The following HIP1 variants were observed in gnomAD, a reference collection of about 807,000 sequenced individuals.
HIP1 encodes huntingtin interacting protein 1, also known as huntingtin-interacting protein 1.
In HIP1, 65 loss-of-function variants were observed where a neutral mutation model predicts 147.6. The ratio of observed to expected loss-of-function variants is 0.44; its 90% CI spans 0.36 to 0.54. The LOEUF (loss-of-function observed/expected upper bound fraction) is 0.54. Among genes scored for constraint, HIP1 ranks in the 20% least tolerant of loss-of-function variants. HIP1 has a pLI of 0.00. For synonymous variants in HIP1, 479 were observed against 504.0 expected (o/e 0.95, Z 0.67); for missense variants, 1,061 against 1,299.6 (o/e 0.82, Z 2.82).
intron 1 of HIP1, among the ~76,000 whole-genome samples, chr7:75,736,543 C>A (rs944616251): frequency 6.6e-6 from 1 of 151,956 alleles, no homozygotes; most frequent in African/African-American, 2.4e-5. Context: ...ACAGTGAGAC[C>A]CCCATCTCTA....
intron 1 of HIP1, among the ~76,000 whole-genome samples, chr7:75,716,940 C>T (rs1231391604): frequency 4.6e-5 from 7 of 152,046 alleles, no homozygotes; most frequent in African/African-American, 1.7e-4. Context: ...CTCAACCTCC[C>T]AAGTAGCTGG....
At chr7:75,719,999 C>T (rs1554521048) in intron 1 of HIP1, among the ~76,000 whole-genome samples, 2 of 152,080 alleles carry the variant, frequency 1.3e-5, no homozygotes, top group Admixed American at 6.6e-5. Flanking sequence ...AAATCAGAGA[C>T]CACACATTAG....
chr7:75,725,018 G>A (rs548987204), intron 1 of HIP1, among the ~76,000 whole-genome samples: 1 of 152,158 alleles, frequency 6.6e-6, no homozygotes, highest in African/African-American at 2.4e-5. Flanking sequence ...TCTGTGGGGG[G>A]AGTTCTGTTG....
intron 9 of HIP1, 75 bp from the exon 10 acceptor site, chr7:75,563,338 G>A: frequency 2.2e-6 from 3 of 1,375,406 alleles, no homozygotes; most frequent in Non-Finnish European, 1.0e-6. Context: ...CAGCCACCTG[G>A]CTTTCCTGCC....
rs782349581 is a variant in HIP1 at position 75,546,961 on chromosome 7, C to T, written c.2537G>A (p.Arg846Lys). The T allele has an allele frequency of 2.5e-6, 4 of 1,577,432 alleles. No individual in the cohort carries two copies. The African/African-American group carries it at 4.0e-5, about 16-fold the overall frequency. Reference protein sequence around the residue: ...VLIVASKDLQREIVESGRGTA... With the variant: ...VLIVASKDLQKEIVESGRGTA... ...CACCCTGCCGCTCTCCACAATCTCT[C>T]TCTGGAGGTCCTTAGAGGCCACGAT... The change falls in exon 25 of 31, where the codon AGA becomes AAA. Residue 846 changes from arginine (R) to lysine (K), a missense_variant. Arg to Lys is a conservative substitution (Grantham distance 26). Transcript: ENST00000336926.
At chr7:75,563,775 C>G (rs116031796) in intron 9 of HIP1, among the ~76,000 whole-genome samples, 1 of 152,204 alleles carries the variant, frequency 6.6e-6, no homozygotes, top group African/African-American at 2.4e-5. Flanking sequence ...TGAGCTGTTT[C>G]CCATAATGCC....
At chr7:75,559,687 C>A (rs34985543) in intron 14 of HIP1, 45 bp downstream of exon 14, 2 of 1,228,982 alleles carry the variant, frequency 1.6e-6, no homozygotes, top group East Asian at 2.4e-5. Flanking sequence ...CTCTGCTGCC[C>A]GCGCCTGCCC....
intron 1 of HIP1, among the ~76,000 whole-genome samples, chr7:75,643,105 C>G (rs1393545226): frequency 2.6e-5 from 4 of 152,162 alleles, no homozygotes; most frequent in Non-Finnish European, 4.4e-5. Context: ...CAGCCTAGCC[C>G]TAAAGACCAC....
intron 17 of HIP1, 73 bp from the exon 18 acceptor site, chr7:75,556,242 C>T (rs938875364): frequency 3.9e-6 from 6 of 1,546,334 alleles, no homozygotes; most frequent in Non-Finnish European, 5.3e-6. Flanking sequence ...AGAGGTCCAA[C>T]CCACCACCGG....
At chr7:75,606,484 C>T (rs991413170) in intron 1 of HIP1, among the ~76,000 whole-genome samples, 39 of 151,778 alleles carry the variant, frequency 2.6e-4, no homozygotes, top group African/African-American at 8.2e-4. Flanking sequence ...GAGGCTGAGG[C>T]AGAATTGCTT....
intron 1 of HIP1, among the ~76,000 whole-genome samples, chr7:75,723,683 A>C (rs1584980686): frequency 6.6e-6 from 1 of 152,152 alleles, no homozygotes; most frequent in African/African-American, 2.4e-5. Flanking sequence ...TCATGCTGGG[A>C]AACTCCCTTG....
chr7:75,714,108 T>C (rs1554520355), intron 1 of HIP1, among the ~76,000 whole-genome samples: 1 of 150,654 alleles, frequency 6.6e-6, no homozygotes, highest in Admixed American at 6.6e-5. Flanking sequence ...GGCGCCATCT[T>C]GGCTCACTGC....
intron 1 of HIP1, among the ~76,000 whole-genome samples, chr7:75,696,990 AT>A (rs377026510): frequency 0.014 from 1,991 of 143,314 alleles, 40 homozygotes; most frequent in African/African-American, 0.045. Context: ...CTTCCCAAGG[AT>A]TTTTTTTTTT....
chr7:75,648,225 C>T (rs1554511378), intron 1 of HIP1, among the ~76,000 whole-genome samples: 1 of 151,636 alleles, frequency 6.6e-6, no homozygotes, highest in African/African-American at 2.4e-5. Flanking sequence ...GTTGAAGTAG[C>T]TGGGACTAGT....
chr7:75,697,889 T>C (rs988355267), intron 1 of HIP1, among the ~76,000 whole-genome samples: 2 of 152,224 alleles, frequency 1.3e-5, no homozygotes, highest in Non-Finnish European at 2.9e-5. Context: ...TAAGTTATTC[T>C]AGGAAGAGCT....
chr7:75,556,903 A>C lies in HIP1; in HGVS notation c.1582-92T>G, dbSNP rs188258852. 30 of 800,204 alleles carry C rather than the reference A, an allele frequency of 3.7e-5. No individual in the cohort carries two copies. In the African/African-American group the frequency reaches 4.4e-4, roughly 12 times the overall value. 49.6% of individuals were successfully genotyped at this position (800,204 alleles called of 1,614,324 possible). The stretch of plus-strand genomic sequence containing the variant: ...AAACGTCCCAAGCGATCAACAAGAG[A>C]TCTGTAAACTCTACTGTATGTAAGT... On this transcript the variant is annotated intron_variant, in intron 16 of 30. Coordinates refer to ENST00000336926, the MANE Select transcript of HIP1 (RefSeq NM_005338.7).
chr7:75,580,136 T>A (rs1214211544), intron 7 of HIP1, among the ~76,000 whole-genome samples: 1 of 152,192 alleles, frequency 6.6e-6, no homozygotes, highest in Non-Finnish European at 1.5e-5. Flanking sequence ...GAGCTTCTCA[T>A]GTGGACTTGG....
At chr7:75,648,248 AGCTGGTTGGAGTAGTTGGG>A (rs1481115842) in intron 1 of HIP1, among the ~76,000 whole-genome samples, 1 of 151,656 alleles carries the variant, frequency 6.6e-6, no homozygotes, top group Non-Finnish European at 1.5e-5. Flanking sequence ...GAGTAGCTGA[AGCTGGTTGGAGTAGTTGGG>A]GCTGGTTGGA....
chr7:75,728,774 C>T lies in HIP1; in HGVS notation c.120+10027G>A, dbSNP rs1322183957. ...CTGCACTCCAGCCTGGGAGACACAG[C>T]GAGACTCTGTCTCAAAAAAAAAAAA... On this transcript the variant is annotated intron_variant, in intron 1 of 30. Coordinates refer to ENST00000336926, the MANE Select transcript of HIP1 (RefSeq NM_005338.7). 4.0e-5 allele frequency among the ~76,000 whole-genome samples: 5 copies of T among 124,936 alleles called. No homozygotes were observed. The Admixed American group carries it at 4.3e-4, about 11-fold the overall frequency. The allele number at this position is 124,936 out of a possible 152,430, so 82.0% of individuals were successfully genotyped here. A position where few individuals can be genotyped will look rare whatever the true frequency, so the allele number is the denominator to read the frequency against.
Sources: gnomAD v4.1 joint callset for allele counts (sites outside exome capture counted in the v4.1 genomes callset) on GRCh38, gnomAD v4.1.1 for gene constraint, MANE v1.5 for transcripts, NCBI Gene and HGNC (gene_info 2026-07-23, HGNC 2026-07-21) for gene names.